The following PDE6C variants were observed in gnomAD, a reference collection of about 807,000 sequenced individuals.
The protein encoded by PDE6C is phosphodiesterase 6C, also known as cone cGMP-specific 3',5'-cyclic phosphodiesterase subunit alpha'.
PDE6C carries 75 observed loss-of-function variants against 113.1 expected under a neutral mutation model. The ratio of observed to expected loss-of-function variants is 0.66; its 90% CI spans 0.55 to 0.80. The LOEUF (loss-of-function observed/expected upper bound fraction) is 0.80. Among genes scored for constraint, PDE6C ranks in the 30% least tolerant of loss-of-function variants. PDE6C has a pLI of 0.00. For synonymous variants in PDE6C, 375 were observed against 363.7 expected, an observed-to-expected ratio of 1.03 and a Z score of -0.35; for missense variants, 912 against 1,038.6, an observed-to-expected ratio of 0.88 and a Z score of 1.67.
At position 93,659,027 on chromosome 10, in the gene PDE6C, ATT is replaced by A. The variant is rs1266226981; in HGVS notation, c.2144+21_2144+22del. The A allele has an allele frequency of 6.5e-7, 1 of 1,549,588 alleles. No homozygotes were observed. The highest frequency in any genetic ancestry group is 2.3e-5 in the East Asian group (1 of 44,378). Reference sequence around the variant, plus strand: ...TTATCATGTAGGTAGTTGAAATTGTATTTCTCTCTTGTTTTTTGTAAAAATAA... The same window carrying A: ...TTATCATGTAGGTAGTTGAAATTGTATCTCTCTTGTTTTTTGTAAAAATAA... On this transcript the variant is annotated intron_variant, in intron 17 of 21. Coordinates refer to ENST00000371447, the MANE Select transcript of PDE6C (RefSeq NM_006204.4).
intron 5 of PDE6C, among the ~76,000 whole-genome samples, chr10:93,626,219 C>T (rs1403273299): frequency 1.3e-5 from 2 of 152,072 alleles, no homozygotes; most frequent in Non-Finnish European, 1.5e-5. Context: ...AAGGAGGGTA[C>T]GGGTCACTAT....
chr10:93,654,782 C>CT (rs1368004379), intron 15 of PDE6C, among the ~76,000 whole-genome samples: 23 of 65,174 alleles, frequency 3.5e-4, no homozygotes, highest in Non-Finnish European at 5.4e-4. Flanking sequence ...TTCTTTCTTT[C>CT]TTTCTTTCTT....
chr10:93,640,703 C>T, intron 13 of PDE6C, 146 bp downstream of exon 13: 1 of 743,310 alleles, frequency 1.3e-6, no homozygotes, highest in Non-Finnish European at 2.4e-6. Context: ...GTCCCAGTAT[C>T]CTTGAGCACC....
intron 14 of PDE6C, among the ~76,000 whole-genome samples, chr10:93,642,183 G>C (rs1393538443): frequency 6.6e-6 from 1 of 152,110 alleles, no homozygotes; most frequent in African/African-American, 2.4e-5. Context: ...TGCCAACATG[G>C]TGAAACCCCA....
chr10:93,621,781 T>C lies in PDE6C; in HGVS notation c.724-151T>C. 4 of 709,804 alleles carry C rather than the reference T, an allele frequency of 5.6e-6. No individual in the cohort carries two copies. The South Asian group carries it at 6.6e-5, about 12-fold the overall frequency. The allele number at this position is 709,804 out of a possible 1,614,324, so 44.0% of individuals were successfully genotyped here. On this transcript the variant is annotated intron_variant, in intron 3 of 21. Coordinates refer to ENST00000371447, the MANE Select transcript of PDE6C (RefSeq NM_006204.4). ...TCACCTAGAGGATCTGAGTAGTTTG[T>C]TGGATGTACACATGTTCAAAATCAG...
intron 16 of PDE6C, among the ~76,000 whole-genome samples, chr10:93,657,328 A>ATTTTTTTTTTTTTT (rs71031526): frequency 3.4e-5 from 3 of 88,286 alleles, no homozygotes; most frequent in Non-Finnish European, 6.1e-5. Context: ...CGCCTGGCTA[A>ATTTTTTTTTTTTTT]TTTTTTTTTT....
At chr10:93,640,808 G>A in intron 13 of PDE6C, 112 bp from the exon 14 acceptor site, 1 of 761,366 alleles carries the variant, frequency 1.3e-6, no homozygotes, top group Non-Finnish European at 2.3e-6. Flanking sequence ...CAAATAAAGT[G>A]AACTTGCTCC....
At chr10:93,628,776 A>T (rs962476937) in intron 7 of PDE6C, among the ~76,000 whole-genome samples, 27 of 152,192 alleles carry the variant, frequency 1.8e-4, no homozygotes, top group African/African-American at 6.3e-4. Flanking sequence ...AAGTAAAGTG[A>T]TATCTCTCAC....
At chr10:93,650,507 C>A (rs1369470011) in intron 15 of PDE6C, among the ~76,000 whole-genome samples, 1 of 152,206 alleles carries the variant, frequency 6.6e-6, no homozygotes, top group African/African-American at 2.4e-5. Flanking sequence ...CTTGGCTTTC[C>A]AAAGCACTGG....
chr10:93,634,131 T>C (rs2058516553), intron 8 of PDE6C, among the ~76,000 whole-genome samples: 1 of 152,138 alleles, frequency 6.6e-6, no homozygotes, highest in Admixed American at 6.5e-5. Context: ...CAAGCAATTC[T>C]CCTGCCTCAG....
Position 93,612,958 on chromosome 10 carries a change from A to C in PDE6C, c.233A>C (p.Gln78Pro). The change falls in exon 1 of 22, where the codon CAG (glutamine) becomes CCG (proline). Residue 78 changes from glutamine (Q) to proline (P), a missense_variant. Gln to Pro is a moderately conservative substitution (Grantham distance 76). Coordinates refer to ENST00000371447, the MANE Select transcript of PDE6C (RefSeq NM_006204.4). ...TVQEEGGTPEQGVHRALQRLA... is the reference protein window; with the variant it reads ...TVQEEGGTPEPGVHRALQRLA... ...CAGGAGGAGGGGGGCACCCCAGAGC[A>C]GGGGGTTCACAGGGCCCTGCAGAGG... is the stretch of plus-strand genomic sequence containing the variant. 1 of 1,613,990 alleles carries C rather than the reference A, an allele frequency of 6.2e-7. No homozygotes were observed. The highest frequency in any genetic ancestry group is 1.1e-5 in the South Asian group (1 of 91,078).
At chr10:93,625,448 T>C (rs747744070) in intron 4 of PDE6C, 127 bp from the exon 5 acceptor site, 2 of 716,294 alleles carry the variant, frequency 2.8e-6, no homozygotes, top group African/African-American at 3.5e-5. Flanking sequence ...GAATTGTAGA[T>C]CTTTCAGCAC....
At chr10:93,633,964 T>C (rs1156592084) in intron 8 of PDE6C, among the ~76,000 whole-genome samples, 1 of 152,162 alleles carries the variant, frequency 6.6e-6, no homozygotes, top group Non-Finnish European at 1.5e-5. Context: ...AATGGCTGTA[T>C]GGTCCTAGCC....
chr10:93,646,891 C>A (rs2058587088), intron 15 of PDE6C, among the ~76,000 whole-genome samples: 2 of 152,104 alleles, frequency 1.3e-5, no homozygotes, highest in African/African-American at 4.8e-5. Context: ...ACGTAGCCAC[C>A]ATCAGAGAGG....
intron 8 of PDE6C, among the ~76,000 whole-genome samples, chr10:93,633,375 A>G (rs977806683): frequency 1.1e-4 from 16 of 150,772 alleles, no homozygotes; most frequent in Non-Finnish European, 1.9e-4. Context: ...CTGAGGCAGG[A>G]GAATCACTTG....
intron 2 of PDE6C, 39 bp downstream of exon 2, chr10:93,620,823 A>T: frequency 6.2e-7 from 1 of 1,613,858 alleles, no homozygotes; most frequent in Non-Finnish European, 8.5e-7. Flanking sequence ...AGGCTCAGGA[A>T]ATTTATTTGT....
rs751062263 is a variant in PDE6C, at chr10:93,659,028, T to C, written c.2144+20T>C. 7.0e-6 allele frequency: 11 copies of C among 1,572,154 alleles called. No homozygotes were observed. The highest frequency in any genetic ancestry group is 1.4e-5 in the African/African-American group (1 of 73,988). ...TATCATGTAGGTAGTTGAAATTGTA[T>C]TTCTCTCTTGTTTTTTGTAAAAATA... On this transcript the variant is annotated intron_variant, in intron 17 of 21. Transcript: ENST00000371447.
At chr10:93,632,687 C>T (rs1419977183) in intron 8 of PDE6C, among the ~76,000 whole-genome samples, 1 of 152,214 alleles carries the variant, frequency 6.6e-6, no homozygotes, top group Non-Finnish European at 1.5e-5. Flanking sequence ...GTCCTTGGTT[C>T]GTATGATGGT....
intron 10 of PDE6C, among the ~76,000 whole-genome samples, chr10:93,636,368 T>C (rs11187566): frequency 5.9e-4 from 84 of 141,348 alleles, no homozygotes; most frequent in Non-Finnish European, 8.5e-4. Context: ...TTCCCTGGCT[T>C]TGTGTGTGTG....
Sources: gnomAD v4.1 joint callset for allele counts (sites outside exome capture counted in the v4.1 genomes callset) on GRCh38, gnomAD v4.1.1 for gene constraint, MANE v1.5 for transcripts, NCBI Gene and HGNC (gene_info 2026-07-23, HGNC 2026-07-21) for gene names.